SHISA9: variants seen among roughly 807,000 people sequenced by gnomAD.
The protein encoded by SHISA9 is shisa family member 9, also known as protein shisa-9.
Under a neutral mutation model 38.0 loss-of-function variants are expected in SHISA9, and 13 were observed. The observed-to-expected ratio is 0.34, with a 90% CI of 0.22 to 0.54. The LOEUF (loss-of-function observed/expected upper bound fraction) is 0.54, where lower values mean the gene tolerates loss of function less well. Among genes scored for constraint, SHISA9 ranks in the 20% least tolerant of loss-of-function variants. SHISA9 has a pLI of 0.91. For missense variants in SHISA9, 538 were observed against 575.8 expected, an observed-to-expected ratio of 0.93 and a Z score of 0.67; for synonymous variants, 275 against 242.0, an observed-to-expected ratio of 1.14 and a Z score of -1.27.
chr16:13,495,452 A>C, the SHISA9 span, among the ~76,000 whole-genome samples: 175 of 152,290 alleles, frequency 1.1e-3, no homozygotes, highest in African/African-American at 4.0e-3. Flanking sequence ...ATTTCATTTA[A>C]GAACTATAAA....
intron 2 of SHISA9, among the ~76,000 whole-genome samples, chr16:13,148,242 T>C (rs2050465082): frequency 6.6e-6 from 1 of 152,026 alleles, no homozygotes; most frequent in Non-Finnish European, 1.5e-5. Context: ...CACCCGAATA[T>C]ACACAAACAC....
chr16:13,292,983 A>C, the SHISA9 span, among the ~76,000 whole-genome samples: 11 of 152,110 alleles, frequency 7.2e-5, no homozygotes, highest in Non-Finnish European at 1.6e-4. Flanking sequence ...CTCTCCATCA[A>C]ATGAGGATCT....
chr16:13,391,166 C>T, the SHISA9 span, among the ~76,000 whole-genome samples: 2 of 152,108 alleles, frequency 1.3e-5, no homozygotes, highest in Non-Finnish European at 2.9e-5. Flanking sequence ...GTGTGTCCTG[C>T]TGAATAGAGT....
chr16:13,235,549 G>A lies in SHISA9; in HGVS notation c.*140G>A, dbSNP rs1038153457. On this transcript the variant is annotated 3_prime_UTR_variant, in exon 5 of 5. Coordinates refer to ENST00000558583, the MANE Select transcript of SHISA9 (RefSeq NM_001145204.3). ...AACAAGAACCAACTCTAAACCTACT[G>A]GGGACACAGAGTCGCGCTTTTCCTA... is the stretch of plus-strand genomic sequence containing the variant. The A allele has an allele frequency of 8.1e-6, 9 of 1,111,398 alleles. No homozygotes were observed. The highest frequency in any genetic ancestry group is 7.9e-5 in the African/African-American group (5 of 63,488). 68.8% of individuals were successfully genotyped at this position (1,111,398 alleles called of 1,614,324 possible). A position where few individuals can be genotyped will look rare whatever the true frequency, so the allele number is the denominator to read the frequency against.
At chr16:13,069,338 A>G (rs913591487) in intron 2 of SHISA9, among the ~76,000 whole-genome samples, 3 of 151,156 alleles carry the variant, frequency 2.0e-5, no homozygotes, top group Non-Finnish European at 4.4e-5. Context: ...GTACGCATGC[A>G]TATGTGTGTA....
chr16:13,383,753 C>A, the SHISA9 span, among the ~76,000 whole-genome samples: 1 of 152,152 alleles, frequency 6.6e-6, no homozygotes, highest in African/African-American at 2.4e-5. Flanking sequence ...CAGGCTCAAG[C>A]GATCTTCCCA....
At chr16:13,553,194 G>A in the SHISA9 span, among the ~76,000 whole-genome samples, 1 of 152,154 alleles carries the variant, frequency 6.6e-6, no homozygotes, top group African/African-American at 2.4e-5. Context: ...TAGTTCACTT[G>A]CTCTTCCCAA....
chr16:13,262,597 C>T, the SHISA9 span, among the ~76,000 whole-genome samples: 8 of 142,190 alleles, frequency 5.6e-5, no homozygotes, highest in African/African-American at 2.1e-4. Flanking sequence ...CATATTCTGG[C>T]CCGGTGAGTA....
the SHISA9 span, among the ~76,000 whole-genome samples, chr16:13,524,344 T>C: frequency 2.6e-5 from 4 of 152,208 alleles, no homozygotes; most frequent in Non-Finnish European, 5.9e-5. Flanking sequence ...AAGAGTAGAC[T>C]GCAGAAGATG....
At chr16:13,496,219 C>G in the SHISA9 span, among the ~76,000 whole-genome samples, 4 of 152,038 alleles carry the variant, frequency 2.6e-5, no homozygotes, top group East Asian at 7.7e-4. Flanking sequence ...ATGAAAACAT[C>G]AAACTAGTCT....
At chr16:13,120,710 C>T (rs1296157155) in intron 2 of SHISA9, among the ~76,000 whole-genome samples, 1 of 152,114 alleles carries the variant, frequency 6.6e-6, no homozygotes, top group Non-Finnish European at 1.5e-5. Context: ...TGTGGGAAGG[C>T]TGTCTTCTTA....
At chr16:13,050,704 C>A (rs565317766) in intron 2 of SHISA9, among the ~76,000 whole-genome samples, 22 of 152,316 alleles carry the variant, frequency 1.4e-4, no homozygotes, top group African/African-American at 5.3e-4. Flanking sequence ...ATCTTAGAAT[C>A]TAACTGGGGA....
At position 13,081,685 on chromosome 16, in the gene SHISA9, G is replaced by A. The variant is rs1479144357; in HGVS notation, c.692-121709G>A. Among the ~76,000 whole-genome samples the A allele has an allele frequency of 2.0e-5, 3 of 151,928 alleles. No homozygotes were observed. The East Asian group carries it at 5.8e-4, about 29-fold the overall frequency. The stretch of plus-strand genomic sequence containing the variant: ...GGATCTCAGGATATTTCTCAACACA[G>A]CACTTTAGAGGGTTTTTATTAGCTG... On this transcript the variant is annotated intron_variant, in intron 2 of 4. Transcript: ENST00000558583.
At chr16:13,471,933 C>T in the SHISA9 span, among the ~76,000 whole-genome samples, 1 of 152,160 alleles carries the variant, frequency 6.6e-6, no homozygotes, top group Non-Finnish European at 1.5e-5. Context: ...GTGTAACTCA[C>T]AGAGAATCAC....
At chr16:12,977,748 A>G (rs2072183829) in intron 2 of SHISA9, among the ~76,000 whole-genome samples, 1 of 152,080 alleles carries the variant, frequency 6.6e-6, no homozygotes, top group African/African-American at 2.4e-5. Context: ...GGTCTCACTT[A>G]TAGGTGGGAG....
At chr16:12,911,150 C>A in intron 1 of SHISA9, 1 of 585,250 alleles carries the variant, frequency 1.7e-6, no homozygotes, top group Non-Finnish European at 2.2e-6. Flanking sequence ...TGTGAACCAG[C>A]AGCATTTTTA....
At chr16:13,377,408 A>G in the SHISA9 span, among the ~76,000 whole-genome samples, 1 of 152,182 alleles carries the variant, frequency 6.6e-6, no homozygotes, top group African/African-American at 2.4e-5. Context: ...CAAACATCGT[A>G]TTTGTTCCTC....
At chr16:13,302,140 G>T in the SHISA9 span, among the ~76,000 whole-genome samples, 1 of 151,988 alleles carries the variant, frequency 6.6e-6, no homozygotes, top group Non-Finnish European at 1.5e-5. Context: ...CTTGTTTCTC[G>T]GTCCAGTTGT....
chr16:12,918,300 G>A (rs2071284029), intron 2 of SHISA9, among the ~76,000 whole-genome samples: 1 of 152,178 alleles, frequency 6.6e-6, no homozygotes, highest in Non-Finnish European at 1.5e-5. Context: ...TGGGAAATAA[G>A]TTGAACCTAG....
Sources: gnomAD v4.1 joint callset for allele counts (sites outside exome capture counted in the v4.1 genomes callset) on GRCh38, gnomAD v4.1.1 for gene constraint, MANE v1.5 for transcripts, NCBI Gene and HGNC (gene_info 2026-07-23, HGNC 2026-07-21) for gene names.